The following MAGI2 variants were observed in gnomAD, a reference collection of about 807,000 sequenced individuals.
The protein encoded by MAGI2 is membrane-associated guanylate kinase, WW and PDZ domain-containing protein 2.
MAGI2 carries 35 observed loss-of-function variants against 133.3 expected under a neutral mutation model. The observed-to-expected ratio is 0.26, with a 90% CI of 0.20 to 0.35. MAGI2 has a LOEUF of 0.35. Among genes scored for constraint, MAGI2 ranks in the 10% least tolerant of loss-of-function variants. The pLI is 1.00. For synonymous variants in MAGI2, 729 were observed against 710.6 expected (o/e 1.03, Z -0.41); for missense variants, 1,636 against 1,863.4 (o/e 0.88, Z 2.25).
chr7:78,547,298 C>T (rs559877767), intron 3 of MAGI2, among the ~76,000 whole-genome samples: 1 of 152,186 alleles, frequency 6.6e-6, no homozygotes, highest in African/African-American at 2.4e-5. Context: ...CAGTGAGAGA[C>T]AGCATTCATA....
chr7:78,796,693 C>A (rs40224), intron 2 of MAGI2, among the ~76,000 whole-genome samples: 51,351 of 151,966 alleles, frequency 0.34, 8,951 homozygotes, highest in East Asian at 0.52. Context: ...ATGTTTATTG[C>A]AGCACTGTTC....
chr7:79,389,228 T>C (rs1370405255), intron 1 of MAGI2, among the ~76,000 whole-genome samples: 1 of 152,050 alleles, frequency 6.6e-6, no homozygotes, highest in Non-Finnish European at 1.5e-5. Context: ...TTGACAGATA[T>C]CAAGGACAAT....
chr7:78,405,157 C>T (rs1797261552), intron 6 of MAGI2, among the ~76,000 whole-genome samples: 1 of 152,038 alleles, frequency 6.6e-6, no homozygotes, highest in Non-Finnish European at 1.5e-5. Context: ...AATATAGATT[C>T]AACTTTTTAA....
intron 2 of MAGI2, among the ~76,000 whole-genome samples, chr7:78,832,588 C>T (rs1221848643): frequency 2.0e-5 from 3 of 152,162 alleles, no homozygotes; most frequent in Non-Finnish European, 4.4e-5. Flanking sequence ...CAGTTATAAG[C>T]TTCGGCTTCT....
chr7:79,225,383 G>A (rs1179828719), intron 1 of MAGI2, among the ~76,000 whole-genome samples: 1 of 152,178 alleles, frequency 6.6e-6, no homozygotes, highest in African/African-American at 2.4e-5. Context: ...ATTATAGAAT[G>A]TACTTGATTT....
chr7:79,350,775 T>C (rs1302774245), intron 1 of MAGI2, among the ~76,000 whole-genome samples: 1 of 152,144 alleles, frequency 6.6e-6, no homozygotes, highest in African/African-American at 2.4e-5. Flanking sequence ...ATCACATCTC[T>C]TTGTTTTTCT....
intron 2 of MAGI2, among the ~76,000 whole-genome samples, chr7:78,729,523 TAC>T (rs1392970236): frequency 6.6e-6 from 1 of 152,184 alleles, no homozygotes; most frequent in African/African-American, 2.4e-5. Context: ...CTCAGAGAAT[TAC>T]AGTCTCATTC....
chr7:78,382,541 GAAAT>G (rs898498386), intron 6 of MAGI2, among the ~76,000 whole-genome samples: 2 of 152,018 alleles, frequency 1.3e-5, no homozygotes, highest in Non-Finnish European at 2.9e-5. Flanking sequence ...GTTCAAAAGA[GAAAT>G]AATCATATTT....
At chr7:78,551,500 C>A (rs536352458) in intron 3 of MAGI2, among the ~76,000 whole-genome samples, 6 of 152,312 alleles carry the variant, frequency 3.9e-5, no homozygotes, top group African/African-American at 1.4e-4. Context: ...TTCCTCTTTA[C>A]ACTTACTTTG....
rs189810349 is a variant in MAGI2 at position 78,640,113 on chromosome 7, A to C, written c.419-12874T>G. ...GACTCAGTTTCTATTCAATTGTCAT[A>C]ATCCCCAGAACACTGTGGTTTTAAT... On this transcript the variant is annotated intron_variant, in intron 2 of 21. Transcript: ENST00000354212. Among the ~76,000 whole-genome samples the C allele has an allele frequency of 4.6e-3, 702 of 152,258 alleles. 2 individuals carry two copies. The highest frequency in any genetic ancestry group is 7.9e-3 in the Non-Finnish European group (535 of 68,020).
intron 6 of MAGI2, among the ~76,000 whole-genome samples, chr7:78,406,445 C>G (rs1452103211): frequency 6.6e-6 from 1 of 151,802 alleles, no homozygotes; most frequent in African/African-American, 2.4e-5. Context: ...ACATATTTTC[C>G]CCTTTGGACT....
rs76708258 is a variant in MAGI2 at position 78,637,916 on chromosome 7, A to G, written c.419-10677T>C. 1.5e-3 allele frequency among the ~76,000 whole-genome samples: 225 copies of G among 152,206 alleles called. 6 individuals carry two copies. The East Asian group carries it at 0.039, about 26-fold the overall frequency. On this transcript the variant is annotated intron_variant, in intron 2 of 21. Transcript: ENST00000354212. Reference sequence around the variant, plus strand: ...TACATACAGAGATCTCATTTCTACAAAAAATTTAAAAATTAGCTTGGTATA... The same window carrying G: ...TACATACAGAGATCTCATTTCTACAGAAAATTTAAAAATTAGCTTGGTATA...
chr7:79,065,771 T>C (rs954177930), intron 1 of MAGI2, among the ~76,000 whole-genome samples: 1 of 152,174 alleles, frequency 6.6e-6, no homozygotes, highest in Non-Finnish European at 1.5e-5. Context: ...CCATGTGTTC[T>C]CATTGCTCAA....
At chr7:78,572,054 CA>C (rs1373663450) in intron 3 of MAGI2, among the ~76,000 whole-genome samples, 2 of 151,974 alleles carry the variant, frequency 1.3e-5, no homozygotes, top group Non-Finnish European at 2.9e-5. Context: ...AGCATTATAA[CA>C]AATGGTTTCT....
chr7:78,544,260 C>G (rs1798635918), intron 3 of MAGI2, among the ~76,000 whole-genome samples: 1 of 152,202 alleles, frequency 6.6e-6, no homozygotes, highest in Admixed American at 6.5e-5. Context: ...AGTGTAATTC[C>G]TAAAAGACAG....
chr7:78,676,639 T>C (rs946323340), intron 2 of MAGI2, among the ~76,000 whole-genome samples: 2 of 152,164 alleles, frequency 1.3e-5, no homozygotes, highest in Non-Finnish European at 2.9e-5. Flanking sequence ...AAACGCAGTC[T>C]GTATTTGTTA....
chr7:78,256,787 G>A (rs912275869), intron 9 of MAGI2, among the ~76,000 whole-genome samples: 3 of 152,142 alleles, frequency 2.0e-5, no homozygotes, highest in Admixed American at 1.3e-4. Flanking sequence ...CTGAAAAAAA[G>A]CTATTTGGTT....
intron 2 of MAGI2, among the ~76,000 whole-genome samples, chr7:78,863,873 C>T (rs1288786004): frequency 6.6e-6 from 1 of 152,116 alleles, no homozygotes; most frequent in Non-Finnish European, 1.5e-5. Context: ...TTAAATTTGT[C>T]CCATTTCTAA....
In MAGI2 at chr7:78,624,011, CAAT is replaced by C. The variant is rs1190805084; in HGVS notation, c.538+3106_538+3108del. ...TAGCATCTGTTGTTTTTTGACATTCCAATAATAGCCATTCTGACATGTGAGATG... is the reference window on the plus strand; with the variant it reads ...TAGCATCTGTTGTTTTTTGACATTCCAATAGCCATTCTGACATGTGAGATG... On this transcript the variant is annotated intron_variant, in intron 3 of 21. Coordinates refer to ENST00000354212, the MANE Select transcript of MAGI2 (RefSeq NM_012301.4). 3.3e-5 allele frequency among the ~76,000 whole-genome samples: 5 copies of C among 152,052 alleles called. No homozygotes were observed. In the East Asian group the frequency reaches 9.7e-4, roughly 29 times the overall value.
Sources: allele counts gnomAD v4.1 joint callset (sites outside exome capture counted in the v4.1 genomes callset), GRCh38; gene constraint gnomAD v4.1.1; transcripts MANE v1.5; gene names NCBI Gene and HGNC (gene_info 2026-07-23, HGNC 2026-07-21).